The following SLC24A2 variants were observed in gnomAD, a reference collection of about 807,000 sequenced individuals.
SLC24A2 encodes solute carrier family 24 member 2, also known as sodium/potassium/calcium exchanger 2.
A neutral mutation model predicts 62.0 loss-of-function variants in SLC24A2; 36 were observed. The ratio of observed to expected loss-of-function variants is 0.58; its 90% CI spans 0.44 to 0.77. The LOEUF (loss-of-function observed/expected upper bound fraction) is 0.77, where lower values mean the gene tolerates loss of function less well. Ranked by LOEUF, SLC24A2 falls within the 30% of genes least tolerant of loss-of-function variation. SLC24A2 has a pLI of 0.00. For missense variants in SLC24A2, 846 were observed against 817.9 expected, an observed-to-expected ratio of 1.03 and a Z score of -0.42; for synonymous variants, 358 against 294.0, an observed-to-expected ratio of 1.22 and a Z score of -2.23.
At chr9:20,234,797 G>A in the SLC24A2 span, among the ~76,000 whole-genome samples, 2 of 152,180 alleles carry the variant, frequency 1.3e-5, no homozygotes. Flanking sequence ...AGGAGGAGAG[G>A]CGCTCTGATT....
chr9:19,831,582 CGAT>C, the SLC24A2 span, among the ~76,000 whole-genome samples: 1 of 152,138 alleles, frequency 6.6e-6, no homozygotes, highest in Non-Finnish European at 1.5e-5. Flanking sequence ...ATAAGATTCT[CGAT>C]GACACTGCTT....
the SLC24A2 span, among the ~76,000 whole-genome samples, chr9:20,083,823 T>C: frequency 6.6e-6 from 1 of 152,260 alleles, no homozygotes; most frequent in Non-Finnish European, 1.5e-5. Flanking sequence ...TGCAGGGCTC[T>C]ACTGTGGGTT....
chr9:20,019,264 A>AAAGAAAGG, the SLC24A2 span, among the ~76,000 whole-genome samples: 1 of 138,568 alleles, frequency 7.2e-6, no homozygotes, highest in African/African-American at 2.7e-5. Flanking sequence ...AGAAAGAAAG[A>AAAGAAAGG]AAGAAAGAAA....
the SLC24A2 span, among the ~76,000 whole-genome samples, chr9:19,969,224 C>CACACAT: frequency 6.6e-6 from 1 of 150,712 alleles, no homozygotes; most frequent in Non-Finnish European, 1.5e-5. Flanking sequence ...CACACACACA[C>CACACAT]ACTTCTTCCT....
At chr9:19,671,796 G>A (rs954401342) in intron 2 of SLC24A2, among the ~76,000 whole-genome samples, 1 of 147,980 alleles carries the variant, frequency 6.8e-6, no homozygotes, top group Non-Finnish European at 1.5e-5. Flanking sequence ...TGCTTTTCCT[G>A]CATCTATTGA....
At chr9:19,852,589 T>A in the SLC24A2 span, among the ~76,000 whole-genome samples, 6 of 152,292 alleles carry the variant, frequency 3.9e-5, no homozygotes, top group African/African-American at 1.4e-4. Context: ...CCTTTCCCCA[T>A]TGCTTGTTTT....
chr9:19,984,838 T>C, the SLC24A2 span, among the ~76,000 whole-genome samples: 3 of 152,116 alleles, frequency 2.0e-5, no homozygotes, highest in African/African-American at 7.2e-5. Flanking sequence ...ACATGCAAAA[T>C]AGTAAAGTTG....
chr9:19,806,235 A>C, the SLC24A2 span, among the ~76,000 whole-genome samples: 2 of 152,196 alleles, frequency 1.3e-5, no homozygotes, highest in East Asian at 3.8e-4. Context: ...GGAGGAGTGC[A>C]CCCGCAGATC....
At chr9:19,731,516 C>CTCTCCGTGT (rs72153360) in intron 2 of SLC24A2, among the ~76,000 whole-genome samples, 14,720 of 113,584 alleles carry the variant, frequency 0.13, 1,991 homozygotes, top group African/African-American at 0.33. Flanking sequence ...TCTCTCTCTC[C>CTCTCCGTGT]GTGTGTGTGT....
At chr9:19,804,910 C>T in the SLC24A2 span, among the ~76,000 whole-genome samples, 1 of 152,052 alleles carries the variant, frequency 6.6e-6, no homozygotes, top group Non-Finnish European at 1.5e-5. Context: ...CTCCTTTATT[C>T]TACTAATGTG....
rs543406908 is a variant in SLC24A2, at chr9:19,564,166, T to C, written c.1347+9185A>G. 1.2e-4 allele frequency among the ~76,000 whole-genome samples: 18 copies of C among 152,162 alleles called. No individual in the cohort carries two copies. The East Asian group carries it at 3.5e-3, about 30-fold the overall frequency. On this transcript the variant is annotated intron_variant, in intron 7 of 10. Transcript: ENST00000341998. ...AGCCACCATGCCTGGCCATGACATG[T>C]TTTTTAAAATCAACCTCAGAGAACT...
intron 2 of SLC24A2, among the ~76,000 whole-genome samples, chr9:19,625,086 A>T (rs924831219): frequency 2.6e-5 from 4 of 152,166 alleles, no homozygotes; most frequent in Non-Finnish European, 5.9e-5. Context: ...TGGCAAGTTT[A>T]TTCTAACCCA....
At chr9:20,039,547 G>C in the SLC24A2 span, among the ~76,000 whole-genome samples, 3 of 151,988 alleles carry the variant, frequency 2.0e-5, no homozygotes, top group African/African-American at 7.2e-5. Flanking sequence ...GAGACAAGCA[G>C]GAGGGCAGGA....
chr9:20,251,633 A>G, the SLC24A2 span, among the ~76,000 whole-genome samples: 2 of 152,218 alleles, frequency 1.3e-5, no homozygotes, highest in South Asian at 4.1e-4. Context: ...GTCAAGTTAC[A>G]TGGTATATCA....
chr9:20,222,644 G>C, the SLC24A2 span, among the ~76,000 whole-genome samples: 2 of 151,848 alleles, frequency 1.3e-5, no homozygotes, highest in Non-Finnish European at 2.9e-5. Context: ...AACCAAACGA[G>C]GTTTATCTCA....
the SLC24A2 span, among the ~76,000 whole-genome samples, chr9:20,167,318 G>C: frequency 6.6e-6 from 1 of 151,876 alleles, no homozygotes; most frequent in Non-Finnish European, 1.5e-5. Context: ...AAAATTTTTT[G>C]TGTCTTTTAG....
chr9:19,526,051 T>C (rs932561269), intron 9 of SLC24A2, among the ~76,000 whole-genome samples: 3 of 152,178 alleles, frequency 2.0e-5, no homozygotes, highest in African/African-American at 7.2e-5. Flanking sequence ...TAACCTATTA[T>C]ATGTCTCTAT....
intron 2 of SLC24A2, among the ~76,000 whole-genome samples, chr9:19,655,158 G>A (rs770675387): frequency 1.3e-5 from 2 of 152,196 alleles, no homozygotes; most frequent in African/African-American, 2.4e-5. Flanking sequence ...CAGAAGTATG[G>A]AAAAATAAGT....
chr9:20,031,755 C>T, the SLC24A2 span, among the ~76,000 whole-genome samples: 2 of 152,132 alleles, frequency 1.3e-5, no homozygotes, highest in Non-Finnish European at 2.9e-5. Context: ...AGCCCCAATC[C>T]TGACTCTAGG....
Sources: allele counts gnomAD v4.1 joint callset (sites outside exome capture counted in the v4.1 genomes callset), GRCh38; gene constraint gnomAD v4.1.1; transcripts MANE v1.5; gene names NCBI Gene and HGNC (gene_info 2026-07-23, HGNC 2026-07-21).